The following PPEF2 variants were observed in gnomAD, a reference collection of about 807,000 sequenced individuals.
PPEF2 encodes protein phosphatase with EF-hand domain 2.
A neutral mutation model predicts 84.7 loss-of-function variants in PPEF2; 84 were observed. That is an observed-to-expected ratio of 0.99 (90% CI 0.83 to 1.19). The LOEUF (loss-of-function observed/expected upper bound fraction) is 1.19. PPEF2 is among the 50% of genes most tolerant of loss of function. PPEF2 has a pLI of 0.00. For missense variants in PPEF2, 924 were observed against 937.5 expected (o/e 0.99, Z 0.19); for synonymous variants, 346 against 345.2 (o/e 1.00, Z -0.03).
At chr4:75,869,808 C>G (rs2149215902) in intron 13 of PPEF2, among the ~76,000 whole-genome samples, 1 of 151,804 alleles carries the variant, frequency 6.6e-6, no homozygotes, top group Non-Finnish European at 1.5e-5. Context: ...CATCCTGCCA[C>G]TGTACTACAG....
At chr4:75,868,852 T>G (rs1188896491) in intron 13 of PPEF2, among the ~76,000 whole-genome samples, 1 of 151,430 alleles carries the variant, frequency 6.6e-6, no homozygotes, top group African/African-American at 2.4e-5. Flanking sequence ...AAAAAAAACT[T>G]TTAAAAATTA....
intron 8 of PPEF2, 186 bp from the exon 9 acceptor site, chr4:75,883,388 T>C (rs1397461137): frequency 6.7e-6 from 4 of 596,198 alleles, no homozygotes; most frequent in African/African-American, 5.6e-5. Flanking sequence ...TTATGGGATA[T>C]TTTAATTTTC....
At chr4:75,865,675 C>T (rs952068173) in intron 15 of PPEF2, among the ~76,000 whole-genome samples, 2 of 152,082 alleles carry the variant, frequency 1.3e-5, no homozygotes, top group South Asian at 2.1e-4. Context: ...AGTGAGCCAC[C>T]GCACCCAGCT....
intron 5 of PPEF2, among the ~76,000 whole-genome samples, chr4:75,889,403 T>C (rs899806948): frequency 6.6e-6 from 1 of 152,172 alleles, no homozygotes; most frequent in Non-Finnish European, 1.5e-5. Flanking sequence ...GGCTTTTCCA[T>C]GTGTTCCTCC....
intron 10 of PPEF2, among the ~76,000 whole-genome samples, chr4:75,877,706 G>A (rs2149219443): frequency 6.6e-6 from 1 of 151,788 alleles, no homozygotes; most frequent in South Asian, 2.1e-4. Context: ...TAGGTTTGGG[G>A]GTATATGCGA....
intron 4 of PPEF2, 64 bp from the exon 5 acceptor site, chr4:75,890,196 T>G: frequency 1.3e-6 from 2 of 1,571,744 alleles, no homozygotes; most frequent in Non-Finnish European, 1.7e-6. Context: ...GTGGGCACTA[T>G]AGAATAGTCC....
At chr4:75,862,438 C>T (rs1471188092) in intron 16 of PPEF2, among the ~76,000 whole-genome samples, 8 of 151,612 alleles carry the variant, frequency 5.3e-5, no homozygotes, top group African/African-American at 1.7e-4. Context: ...ATATGAATAA[C>T]TCTTACAACT....
intron 5 of PPEF2, among the ~76,000 whole-genome samples, chr4:75,888,861 A>G (rs1158567693): frequency 6.6e-6 from 1 of 152,212 alleles, no homozygotes; most frequent in African/African-American, 2.4e-5. Context: ...TGGTCACCCT[A>G]CTTTGGCCCT....
At chr4:75,882,887 G>T (rs1440191235) in intron 10 of PPEF2, 39 bp downstream of exon 10, 23 of 1,585,802 alleles carry the variant, frequency 1.5e-5, no homozygotes, top group Non-Finnish European at 1.9e-5. Context: ...ATGAAACTGG[G>T]CATTATGGTG....
intron 10 of PPEF2, among the ~76,000 whole-genome samples, chr4:75,882,530 G>A (rs4859410): frequency 0.87 from 130,899 of 151,060 alleles, 59,499 homozygotes; most frequent in East Asian, 0.99. Flanking sequence ...CCAACTGCAG[G>A]TTCTCAATCT....
chr4:75,873,070 C>A, intron 12 of PPEF2, 57 bp downstream of exon 12: 1 of 1,496,560 alleles, frequency 6.7e-7, no homozygotes, highest in South Asian at 1.2e-5. Flanking sequence ...CAGGCCTGAG[C>A]CCTTCGGACT....
intron 1 of PPEF2, among the ~76,000 whole-genome samples, chr4:75,901,982 G>A (rs1199976145): frequency 3.3e-5 from 5 of 151,528 alleles, no homozygotes; most frequent in East Asian, 1.9e-4. Context: ...TCTCTTAGGT[G>A]GAAAAAAAAA....
At chr4:75,888,558 C>G (rs1724793583) in intron 5 of PPEF2, among the ~76,000 whole-genome samples, 1 of 152,172 alleles carries the variant, frequency 6.6e-6, no homozygotes, top group Non-Finnish European at 1.5e-5. Context: ...AGCTACTTTT[C>G]TCTTTCCTTT....
chr4:75,890,182 G>A, intron 4 of PPEF2, 50 bp from the exon 5 acceptor site: 1 of 1,591,224 alleles, frequency 6.3e-7, no homozygotes. Flanking sequence ...TGATCATGCA[G>A]TCTGTGGGCA....
intron 5 of PPEF2, among the ~76,000 whole-genome samples, chr4:75,888,702 T>C (rs1457700939): frequency 6.6e-6 from 1 of 152,214 alleles, no homozygotes; most frequent in African/African-American, 2.4e-5. Context: ...GCTCAGCTCC[T>C]CCTGCAATGA....
chr4:75,897,138 C>A (rs1725028635), intron 1 of PPEF2, among the ~76,000 whole-genome samples: 1 of 152,112 alleles, frequency 6.6e-6, no homozygotes, highest in Non-Finnish European at 1.5e-5. Flanking sequence ...CAGGCGTGAG[C>A]CACTGCGCCT....
At chr4:75,888,457 T>A in intron 5 of PPEF2, 129 bp from the exon 6 acceptor site, 2 of 634,464 alleles carry the variant, frequency 3.2e-6, no homozygotes, top group Admixed American at 5.0e-5. Context: ...AAACTGCTCC[T>A]GGGACTATGC....
At chr4:75,884,834 A>G (rs940176830) in intron 7 of PPEF2, 74 bp from the exon 8 acceptor site, 23 of 1,278,212 alleles carry the variant, frequency 1.8e-5, no homozygotes, top group Middle Eastern at 1.9e-4. Context: ...ACCAATAGGC[A>G]TTTGACAATC....
intron 2 of PPEF2, among the ~76,000 whole-genome samples, chr4:75,895,301 C>G (rs192813284): frequency 6.6e-6 from 1 of 151,804 alleles, no homozygotes. Flanking sequence ...TGGTGGCACC[C>G]GCCTGTAATC....
Sources: gnomAD v4.1 joint callset for allele counts (sites outside exome capture counted in the v4.1 genomes callset) on GRCh38, gnomAD v4.1.1 for gene constraint, MANE v1.5 for transcripts, NCBI Gene and HGNC (gene_info 2026-07-23, HGNC 2026-07-21) for gene names.